TANGO6: variants seen among roughly 807,000 people sequenced by gnomAD.
TANGO6 encodes transport and golgi organization 6 homolog.
Under a neutral mutation model 114.2 loss-of-function variants are expected in TANGO6, and 90 were observed. That is an observed-to-expected ratio of 0.79 (90% CI 0.66 to 0.94). The LOEUF is 0.94. Ranked by LOEUF, TANGO6 falls within the 40% of genes least tolerant of loss-of-function variation. The pLI is 0.00. For missense variants in TANGO6, 1,274 were observed against 1,315.3 expected, an observed-to-expected ratio of 0.97 and a Z score of 0.49; for synonymous variants, 477 against 509.8, an observed-to-expected ratio of 0.94 and a Z score of 0.87.
At chr16:68,847,223 T>C (rs556227749) in intron 1 of TANGO6, among the ~76,000 whole-genome samples, 5 of 152,262 alleles carry the variant, frequency 3.3e-5, no homozygotes, top group African/African-American at 1.2e-4. Flanking sequence ...TGTTGCAATA[T>C]GAAATCAGAA....
chr16:68,893,451 A>G (rs534841795), intron 7 of TANGO6, among the ~76,000 whole-genome samples: 1 of 152,222 alleles, frequency 6.6e-6, no homozygotes, highest in South Asian at 2.1e-4. Flanking sequence ...GAAATCATAC[A>G]TGAAGTGGCC....
At chr16:68,896,438 G>T (rs1962705643) in intron 7 of TANGO6, among the ~76,000 whole-genome samples, 1 of 152,072 alleles carries the variant, frequency 6.6e-6, no homozygotes, top group South Asian at 2.1e-4. Flanking sequence ...TTAGCCTCCT[G>T]TGTAGCTGGA....
At chr16:69,035,908 A>AGGTGT (rs1959677672) in intron 16 of TANGO6, 1 of 152,068 alleles carries the variant, frequency 6.6e-6, no homozygotes, top group African/African-American at 2.4e-5. Flanking sequence ...AAAATTAACC[A>AGGTGT]GGTGTGGTGA....
At position 69,048,258 on chromosome 16, in the gene TANGO6, A is replaced by ATTTT. The variant is rs71383949; in HGVS notation, c.3108+7858_3108+7861dup. 6.0e-3 allele frequency among the ~76,000 whole-genome samples: 673 copies of ATTTT among 111,588 alleles called. 1 individual carries two copies. The highest frequency in any genetic ancestry group is 0.018 in the African/African-American group (453 of 25,562). 73.2% of individuals were successfully genotyped at this position (111,588 alleles called of 152,430 possible). A position where few individuals can be genotyped will look rare whatever the true frequency, so the allele number is the denominator to read the frequency against. On this transcript the variant is annotated intron_variant, in intron 17 of 17. Transcript: ENST00000261778. ...CCACCAAGTGCAGCTAATTTTTTGT[A>ATTTT]TTTTTTTTTTTTTTTTTTTTTTTTG...
In TANGO6 at chr16:68,930,293, A is replaced by G. The variant is rs751378280; in HGVS notation, c.2699A>G (p.Gln900Arg). 17 of 1,553,520 alleles carry G rather than the reference A, an allele frequency of 1.1e-5. No homozygotes were observed. Among genetic ancestry groups the G allele is most frequent in the Non-Finnish European group, 1.5e-5 (17 of 1,147,398 alleles). Residue 900 changes from glutamine to arginine, a missense_variant and splice_region_variant, in exon 14 of 18, where the codon CAG becomes CGG. Physicochemically the swap from Gln to Arg is conservative, Grantham distance 43. Transcript: ENST00000261778. The part of the protein sequence containing the change: ...EDTFVYLSAI[Q>R]GVALLSDVYP... ...ACTTTTGTATATCTATCTGCAATTC[A>G]GGGTAAGTCAGTCCTGGTTAAAGGA... is the stretch of plus-strand genomic sequence containing the variant.
At chr16:68,939,891 G>A (rs761228435) in intron 14 of TANGO6, among the ~76,000 whole-genome samples, 6 of 151,962 alleles carry the variant, frequency 3.9e-5, no homozygotes, top group Non-Finnish European at 7.4e-5. Context: ...AGTTTCTAGT[G>A]TGCTGTACAT....
intron 14 of TANGO6, among the ~76,000 whole-genome samples, chr16:68,943,812 G>A (rs117925878): frequency 0.019 from 2,958 of 152,238 alleles, 35 homozygotes; most frequent in Non-Finnish European, 0.032. Flanking sequence ...GAAACAGCAC[G>A]AAGGTCAAAA....
At chr16:69,027,444 T>A (rs1050666963) in intron 16 of TANGO6, among the ~76,000 whole-genome samples, 1 of 152,144 alleles carries the variant, frequency 6.6e-6, no homozygotes, top group African/African-American at 2.4e-5. Context: ...CTTTTTTTTT[T>A]AGTAACTTAG....
At chr16:69,044,361 T>C (rs1339485786) in intron 17 of TANGO6, among the ~76,000 whole-genome samples, 1 of 152,022 alleles carries the variant, frequency 6.6e-6, no homozygotes, top group African/African-American at 2.4e-5. Flanking sequence ...TTTTGCCGGG[T>C]GCGGTGACTC....
At chr16:69,078,416 G>A (rs1038382558) in intron 17 of TANGO6, among the ~76,000 whole-genome samples, 1 of 152,174 alleles carries the variant, frequency 6.6e-6, no homozygotes, top group Non-Finnish European at 1.5e-5. Flanking sequence ...GAATGCTCAG[G>A]GGACTCTGGG....
chr16:68,855,338 T>C (rs141498813), intron 1 of TANGO6, among the ~76,000 whole-genome samples: 2,848 of 152,236 alleles, frequency 0.019, 30 homozygotes, highest in Non-Finnish European at 0.028. Context: ...TGCCAGCACT[T>C]TGGGAGGCCA....
chr16:69,029,233 C>T (rs1375807960), intron 16 of TANGO6, among the ~76,000 whole-genome samples: 2 of 152,160 alleles, frequency 1.3e-5, no homozygotes, highest in Non-Finnish European at 2.9e-5. Flanking sequence ...TGAAAGATAA[C>T]AAAACTGCCA....
chr16:69,010,234 A>G (rs959721329), intron 15 of TANGO6, among the ~76,000 whole-genome samples: 1 of 152,208 alleles, frequency 6.6e-6, no homozygotes, highest in African/African-American at 2.4e-5. Flanking sequence ...GAGTAATGTT[A>G]TGCTAAAGGC....
In TANGO6 at chr16:68,920,740, A is replaced by G. The variant is rs373162659; in HGVS notation, c.2127+1521A>G. Among the ~76,000 whole-genome samples, 10 of 152,264 alleles carry G rather than the reference A, an allele frequency of 6.6e-5. No individual in the cohort carries two copies. The East Asian group carries it at 1.9e-3, about 29-fold the overall frequency. Reference sequence around the variant, plus strand: ...GGGAATTTTATCTGGGCCTGTTATTAGTGTGAAGCCCATTTCTTTAGATTT... The same window carrying G: ...GGGAATTTTATCTGGGCCTGTTATTGGTGTGAAGCCCATTTCTTTAGATTT... On this transcript the variant is annotated intron_variant, in intron 12 of 17. Transcript: ENST00000261778.
chr16:68,994,274 C>T (rs1963971984), intron 15 of TANGO6, among the ~76,000 whole-genome samples: 1 of 152,178 alleles, frequency 6.6e-6, no homozygotes. Flanking sequence ...GCACATCACT[C>T]TGTTTTCTGA....
chr16:68,865,705 C>T (rs1962165924), intron 3 of TANGO6, among the ~76,000 whole-genome samples: 2 of 149,220 alleles, frequency 1.3e-5, no homozygotes, highest in Non-Finnish European at 1.5e-5. Context: ...GTCAGGAGAT[C>T]GAGACCATCC....
chr16:68,968,104 C>G (rs999723637), intron 14 of TANGO6, among the ~76,000 whole-genome samples: 1 of 151,748 alleles, frequency 6.6e-6, no homozygotes, highest in Admixed American at 6.6e-5. Flanking sequence ...CTCACTCTGT[C>G]GCCCAGGCTG....
intron 14 of TANGO6, among the ~76,000 whole-genome samples, chr16:68,948,612 C>A (rs1413445910): frequency 6.6e-6 from 1 of 152,144 alleles, no homozygotes; most frequent in Non-Finnish European, 1.5e-5. Flanking sequence ...ACCAGGCCTA[C>A]CTTTGGAAAA....
At chr16:68,858,827 A>G (rs1962042375) in intron 1 of TANGO6, among the ~76,000 whole-genome samples, 1 of 152,198 alleles carries the variant, frequency 6.6e-6, no homozygotes, top group African/African-American at 2.4e-5. Context: ...AAATGTCTCT[A>G]TAAGCATTGC....
Sources: allele counts gnomAD v4.1 joint callset (sites outside exome capture counted in the v4.1 genomes callset), GRCh38; gene constraint gnomAD v4.1.1; transcripts MANE v1.5; gene names NCBI Gene and HGNC (gene_info 2026-07-23, HGNC 2026-07-21).